The following ASS1 variants were observed in gnomAD, a reference collection of about 807,000 sequenced individuals.
The protein encoded by ASS1 is argininosuccinate synthase.
Under a neutral mutation model 60.5 loss-of-function variants are expected in ASS1, and 58 were observed. The ratio of observed to expected loss-of-function variants is 0.96; its 90% CI spans 0.78 to 1.19. The LOEUF (loss-of-function observed/expected upper bound fraction) is 1.19. ASS1 is among the 50% of genes most tolerant of loss of function. The pLI is 0.00. For synonymous variants in ASS1, 200 were observed against 206.9 expected, an observed-to-expected ratio of 0.97 and a Z score of 0.29; for missense variants, 454 against 547.3, an observed-to-expected ratio of 0.83 and a Z score of 1.70.
chr9:130,470,591 A>C lies in ASS1; in HGVS notation c.496-243A>C, dbSNP rs1286101211. On this transcript the variant is annotated intron_variant, in intron 6 of 14. Coordinates refer to ENST00000352480, the MANE Select transcript of ASS1 (RefSeq NM_054012.4). The surrounding 1 kb of genome is among the most constrained non-coding windows in gnomAD (Gnocchi z 4.3). Reference sequence around the variant, plus strand: ...AGGGGTCCTTGAGATGTAGACTCAAAGTCTTCTGGAAGGAACCTCCAAGGT... The same window carrying C: ...AGGGGTCCTTGAGATGTAGACTCAACGTCTTCTGGAAGGAACCTCCAAGGT... Among the ~76,000 whole-genome samples the C allele has an allele frequency of 6.6e-6, 1 of 152,190 alleles. No individual in the cohort carries two copies. Among genetic ancestry groups the C allele is most frequent in the Non-Finnish European group, 1.5e-5 (1 of 68,026 alleles).
chr9:130,470,775 C>T lies in ASS1; in HGVS notation c.496-59C>T, dbSNP rs1293557675. 24 of 1,516,398 alleles carry T rather than the reference C, an allele frequency of 1.6e-5. No homozygotes were observed. Among genetic ancestry groups the T allele is most frequent in the East Asian group, 2.3e-5 (1 of 44,424 alleles). 93.9% of individuals were successfully genotyped at this position (1,516,398 alleles called of 1,614,324 possible). On this transcript the variant is annotated intron_variant, in intron 6 of 14. Coordinates refer to ENST00000352480, the MANE Select transcript of ASS1 (RefSeq NM_054012.4). This position sits in a 1 kb window ranked among gnomAD's most constrained non-coding sequence, Gnocchi z 4.3. ...CTCTGAAAAAGCAGGGCCCCTGGGA[C>T]GGACCTCACGCGTCCTTCCAGCCGC...
intron 4 of ASS1, among the ~76,000 whole-genome samples, chr9:130,462,139 G>A (rs540354580): frequency 1.3e-5 from 2 of 152,100 alleles, no homozygotes; most frequent in African/African-American, 4.8e-5. Context: ...TGGCCCTTGC[G>A]GGGCTCCTCT....
At chr9:130,474,137 G>A (rs1845954662) in intron 8 of ASS1, among the ~76,000 whole-genome samples, 2 of 145,584 alleles carry the variant, frequency 1.4e-5, no homozygotes, top group South Asian at 4.3e-4. Context: ...ATTGATACTT[G>A]GCAACAAACT....
At chr9:130,454,466 C>A (rs2131869517) in intron 3 of ASS1, 93 bp downstream of exon 3, 1 of 1,283,852 alleles carries the variant, frequency 7.8e-7, no homozygotes, top group Non-Finnish European at 1.1e-6. Context: ...CCCATCCCTT[C>A]CAGTGTGTCT....
At chr9:130,473,334 A>C (rs1222240511) in intron 8 of ASS1, among the ~76,000 whole-genome samples, 1 of 152,164 alleles carries the variant, frequency 6.6e-6, no homozygotes, top group African/African-American at 2.4e-5. Flanking sequence ...TCAGTCATGC[A>C]GCTGGGGGTC....
At chr9:130,452,471 T>A in intron 2 of ASS1, 138 bp downstream of exon 2, 1 of 762,640 alleles carries the variant, frequency 1.3e-6, no homozygotes, top group Non-Finnish European at 2.3e-6. Context: ...TCTCGAAGCC[T>A]GTCTTGAACT....
At chr9:130,483,894 C>T (rs947497301) in intron 11 of ASS1, among the ~76,000 whole-genome samples, 1 of 151,964 alleles carries the variant, frequency 6.6e-6, no homozygotes, top group African/African-American at 2.4e-5. Flanking sequence ...TCCCTTCCTC[C>T]TTACTCCTCC....
At chr9:130,462,199 A>G (rs1215978) in intron 4 of ASS1, among the ~76,000 whole-genome samples, 147,853 of 152,236 alleles carry the variant, frequency 0.97, 71,928 homozygotes, top group East Asian at 1. Context: ...CTGAGACTCT[A>G]GCCGGGGAGC....
In ASS1 at chr9:130,452,352, T is replaced by C; in HGVS notation, c.105+19T>C. ...CTATCTGGTGAGGGAGCGACCTGGG[T>C]GTCTGTCTTCCTGCGTGTCCTGCAA... On this transcript the variant is annotated intron_variant, in intron 2 of 14. Transcript: ENST00000352480. The C allele has an allele frequency of 1.9e-6, 3 of 1,605,164 alleles. No homozygotes were observed. The highest frequency in any genetic ancestry group is 2.6e-6 in the Non-Finnish European group (3 of 1,171,974).
chr9:130,485,074 G>A (rs1239136468), intron 11 of ASS1, among the ~76,000 whole-genome samples: 3 of 152,264 alleles, frequency 2.0e-5, no homozygotes, highest in South Asian at 2.1e-4. Flanking sequence ...CTCTGCTCCC[G>A]GTGGCACTGG....
chr9:130,468,703 G>T (rs1302250512), intron 6 of ASS1, among the ~76,000 whole-genome samples: 1 of 152,132 alleles, frequency 6.6e-6, no homozygotes, highest in East Asian at 1.9e-4. Flanking sequence ...AAAGTATTGG[G>T]ATTGCAGGTG....
rs5900899 is a variant in ASS1 at position 130,458,158 on chromosome 9, C to CA, written c.175-226dup. 9.2e-3 allele frequency among the ~76,000 whole-genome samples: 972 copies of CA among 105,220 alleles called. 4 individuals carry two copies. Among genetic ancestry groups the CA allele is most frequent in the African/African-American group, 0.014 (373 of 26,458 alleles). 69.0% of individuals were successfully genotyped at this position (105,220 alleles called of 152,430 possible). A position where few individuals can be genotyped will look rare whatever the true frequency, so the allele number is the denominator to read the frequency against. ...TGGGCAACAGAGCAAGACTTCGACT[C>CA]AAAAAAAAAAAAAAAAAGAGAGCTA... On this transcript the variant is annotated intron_variant, in intron 3 of 14. Coordinates refer to ENST00000352480, the MANE Select transcript of ASS1 (RefSeq NM_054012.4).
chr9:130,458,775 G>A (rs1342535217), intron 4 of ASS1, among the ~76,000 whole-genome samples, 186 bp downstream of exon 4: 1 of 152,260 alleles, frequency 6.6e-6, no homozygotes, highest in Non-Finnish European at 1.5e-5. Flanking sequence ...GTGCACTGTG[G>A]CACCTGAACG....
In ASS1 at chr9:130,450,449, G is replaced by T. The variant is rs891087400; in HGVS notation, c.-5-1775G>T. On this transcript the variant is annotated intron_variant, in intron 1 of 14. Coordinates refer to ENST00000352480, the MANE Select transcript of ASS1 (RefSeq NM_054012.4). ...TACCACCTGCTGGCTCCAGGGTTAG[G>T]GCTGGCTGAGTCACCAGCAACTCAG... The T allele has an allele frequency of 3.6e-5, 25 of 701,446 alleles. No individual in the cohort carries two copies. In the African/African-American group the frequency reaches 4.3e-4, roughly 12 times the overall value. 43.5% of individuals were successfully genotyped at this position (701,446 alleles called of 1,614,324 possible).
At chr9:130,492,317 G>T (rs7018779) in intron 12 of ASS1, among the ~76,000 whole-genome samples, 15,021 of 152,178 alleles carry the variant, frequency 0.099, 829 homozygotes, top group Non-Finnish European at 0.1. Flanking sequence ...GTCCCGTCTA[G>T]CTCCTGGGTG....
chr9:130,496,060 G>A (rs533367195), intron 13 of ASS1, among the ~76,000 whole-genome samples: 2 of 152,248 alleles, frequency 1.3e-5, no homozygotes, highest in South Asian at 4.1e-4. Context: ...GAGCATCATA[G>A]GCATTTTGAT....
chr9:130,463,654 C>T (rs547665351), intron 4 of ASS1, among the ~76,000 whole-genome samples: 1 of 152,330 alleles, frequency 6.6e-6, no homozygotes, highest in Admixed American at 6.5e-5. Flanking sequence ...AACTGAGGCT[C>T]AGAGAGGTGA....
chr9:130,452,637 G>A (rs1045468605), intron 2 of ASS1, among the ~76,000 whole-genome samples: 4 of 152,224 alleles, frequency 2.6e-5, no homozygotes, highest in African/African-American at 9.7e-5. Context: ...TTGCAGAGAG[G>A]CATGGGCTGG....
intron 2 of ASS1, among the ~76,000 whole-genome samples, chr9:130,452,609 G>A (rs1288713983): frequency 6.6e-6 from 1 of 152,236 alleles, no homozygotes; most frequent in African/African-American, 2.4e-5. Context: ...ACTTGGCAGT[G>A]CTGCTGGCTT....
Sources: allele counts gnomAD v4.1 joint callset (sites outside exome capture counted in the v4.1 genomes callset), GRCh38; gene constraint gnomAD v4.1.1; non-coding constraint Gnocchi (gnomAD v3.1); transcripts MANE v1.5; gene names NCBI Gene and HGNC (gene_info 2026-07-23, HGNC 2026-07-21).